Variants in GRIK2 observed in about 807,000 individuals in gnomAD.
GRIK2 encodes the protein glutamate receptor ionotropic, kainate 2.
A neutral mutation model predicts 100.3 loss-of-function variants in GRIK2; 32 were observed. The observed-to-expected ratio is 0.32, with a 90% confidence interval of 0.24 to 0.43. The LOEUF (loss-of-function observed/expected upper bound fraction) is 0.43. GRIK2 is among the 20% of genes least tolerant of loss of function. The probability of loss-of-function intolerance (pLI) is 1.00; values close to 1 mark genes in which losing one functional copy is unlikely to be tolerated. For synonymous variants in GRIK2, 417 were observed against 389.4 expected, an observed-to-expected ratio of 1.07 and a Z score of -0.83; for missense variants, 843 against 1,114.9, an observed-to-expected ratio of 0.76 and a Z score of 3.47.
intron 9 of GRIK2, among the ~76,000 whole-genome samples, chr6:101,812,172 C>G (rs977515864): frequency 6.6e-6 from 1 of 151,094 alleles, no homozygotes; most frequent in African/African-American, 2.4e-5. Flanking sequence ...ATATGGAAAA[C>G]AAAATATGTA....
chr6:101,622,238 T>C (rs2128317020), intron 3 of GRIK2, 122 bp downstream of exon 3: 1 of 574,690 alleles, frequency 1.7e-6, no homozygotes, highest in East Asian at 2.8e-5. Flanking sequence ...CATGCAAAGA[T>C]TTATTTTCAA....
chr6:101,768,803 G>A (rs1290348759), intron 7 of GRIK2, among the ~76,000 whole-genome samples: 1 of 152,058 alleles, frequency 6.6e-6, no homozygotes, highest in Non-Finnish European at 1.5e-5. Context: ...TTGGCTCCTT[G>A]GCATGTATTG....
At chr6:101,771,188 A>T (rs1778378682) in intron 7 of GRIK2, among the ~76,000 whole-genome samples, 1 of 152,098 alleles carries the variant, frequency 6.6e-6, no homozygotes, top group Admixed American at 6.5e-5. Flanking sequence ...ATTTTATAAA[A>T]TTAGTTAAGA....
intron 10 of GRIK2, among the ~76,000 whole-genome samples, chr6:101,829,733 C>T (rs1782558903): frequency 1.3e-5 from 2 of 151,784 alleles, no homozygotes; most frequent in South Asian, 4.1e-4. Context: ...AAAACAACAA[C>T]AACAGCAACA....
At position 101,458,999 on chromosome 6, in the gene GRIK2, T is replaced by A. The variant is rs1476045829; in HGVS notation, c.115+59607T>A. 2.6e-5 allele frequency among the ~76,000 whole-genome samples: 4 copies of A among 152,276 alleles called. 1 individual carries two copies. The Middle Eastern group carries it at 0.01, about 388-fold the overall frequency. Reference sequence around the variant, plus strand: ...TCAGAAACCACAAAAATTTGATGCATCCAAATTTTTGTTTTGAAAAAAGTT... The same window carrying A: ...TCAGAAACCACAAAAATTTGATGCAACCAAATTTTTGTTTTGAAAAAAGTT... On this transcript the variant is annotated intron_variant, in intron 2 of 16. Coordinates refer to ENST00000369134, the MANE Select transcript of GRIK2 (RefSeq NM_021956.5).
chr6:101,733,545 A>G (rs369376885), intron 7 of GRIK2, among the ~76,000 whole-genome samples: 55 of 152,198 alleles, frequency 3.6e-4, no homozygotes, highest in African/African-American at 1.3e-3. Context: ...ACTTCATCAC[A>G]GTCATTCATG....
intron 7 of GRIK2, among the ~76,000 whole-genome samples, chr6:101,731,651 T>C (rs1775277850): frequency 6.6e-6 from 1 of 151,994 alleles, no homozygotes; most frequent in Admixed American, 6.6e-5. Context: ...ATGTTTTATT[T>C]AACTCACATG....
chr6:101,415,652 G>A (rs912989846), intron 2 of GRIK2, among the ~76,000 whole-genome samples: 7 of 151,974 alleles, frequency 4.6e-5, no homozygotes, highest in African/African-American at 1.5e-4. Flanking sequence ...TTAGAGCCTT[G>A]AGCCACCGCG....
intron 4 of GRIK2, among the ~76,000 whole-genome samples, chr6:101,669,208 G>A (rs996735805): frequency 6.6e-6 from 1 of 152,014 alleles, no homozygotes; most frequent in Admixed American, 6.6e-5. Flanking sequence ...TAATTAAAAG[G>A]CTGTTTTAAG....
Position 101,824,841 on chromosome 6 carries a change from CCA to C in GRIK2, c.1317+6361_1317+6362del, listed in dbSNP as rs1482904727. The stretch of plus-strand genomic sequence containing the variant: ...GCTTGTAAAGCTTTTGTGTCACAGC[CCA>C]CAGATACGGAAGGCTTACTGGGAAG... On this transcript the variant is annotated intron_variant, in intron 10 of 16. Transcript: ENST00000369134. Among the ~76,000 whole-genome samples, 161 of 152,192 alleles carry C rather than the reference CCA, an allele frequency of 1.1e-3. 2 individuals carry two copies. In the East Asian group the frequency reaches 0.021, roughly 20 times the overall value.
intron 12 of GRIK2, among the ~76,000 whole-genome samples, chr6:101,894,638 GT>G (rs1375040935): frequency 6.6e-6 from 1 of 151,466 alleles, no homozygotes; most frequent in African/African-American, 2.4e-5. Context: ...AAAAAGTCTG[GT>G]TAGGGCACCC....
At chr6:102,050,563 C>G (rs943536717) in intron 15 of GRIK2, among the ~76,000 whole-genome samples, 1 of 149,410 alleles carries the variant, frequency 6.7e-6, no homozygotes. Context: ...AGGAGAATCA[C>G]TTGAAACTGG....
At chr6:101,606,478 T>C (rs1455594068) in intron 2 of GRIK2, among the ~76,000 whole-genome samples, 1 of 151,940 alleles carries the variant, frequency 6.6e-6, no homozygotes, top group African/African-American at 2.4e-5. Flanking sequence ...TAGAACAGCA[T>C]GAGCCTTCTT....
At chr6:101,785,075 T>A (rs1318010880) in intron 7 of GRIK2, among the ~76,000 whole-genome samples, 4 of 152,180 alleles carry the variant, frequency 2.6e-5, no homozygotes, top group African/African-American at 4.8e-5. Context: ...TTTTTATATA[T>A]CTGTTGTCTG....
chr6:101,929,247 C>T (rs189599975), intron 14 of GRIK2, among the ~76,000 whole-genome samples: 1 of 152,036 alleles, frequency 6.6e-6, no homozygotes, highest in African/African-American at 2.4e-5. Flanking sequence ...GTGCCTTGCC[C>T]TCGTCTATTT....
intron 10 of GRIK2, 107 bp from the exon 11 acceptor site, chr6:101,859,180 T>A: frequency 1.7e-6 from 1 of 603,504 alleles, no homozygotes. Context: ...AGTTGACTGT[T>A]GTCCTAAATT....
chr6:101,675,713 T>A (rs1770785053), intron 4 of GRIK2, among the ~76,000 whole-genome samples: 1 of 152,196 alleles, frequency 6.6e-6, no homozygotes, highest in Admixed American at 6.5e-5. Context: ...TAATGTGATA[T>A]ATTTTTAATT....
chr6:101,864,143 CAA>C (rs138911944), intron 11 of GRIK2, among the ~76,000 whole-genome samples: 10 of 85,784 alleles, frequency 1.2e-4, no homozygotes, highest in Non-Finnish European at 1.1e-4. Flanking sequence ...GACTCCGTCT[CAA>C]AAAAAAAAAA....
At chr6:101,672,089 G>A (rs1413766012) in intron 4 of GRIK2, among the ~76,000 whole-genome samples, 3 of 152,094 alleles carry the variant, frequency 2.0e-5, no homozygotes, top group Admixed American at 2.0e-4. Flanking sequence ...TAGGATGGAT[G>A]CTCAAACTAT....
Sources: allele counts gnomAD v4.1 joint callset (sites outside exome capture counted in the v4.1 genomes callset), GRCh38; gene constraint gnomAD v4.1.1; transcripts MANE v1.5; gene names NCBI Gene and HGNC (gene_info 2026-07-23, HGNC 2026-07-21).